Variants in MRTFB observed in about 807,000 individuals in gnomAD.
The protein encoded by MRTFB is myocardin-related transcription factor B.
Under a neutral mutation model 104.2 loss-of-function variants are expected in MRTFB, and 29 were observed. The observed-to-expected ratio is 0.28, with a 90% CI of 0.21 to 0.38. The LOEUF (loss-of-function observed/expected upper bound fraction) is 0.38, where lower values mean the gene tolerates loss of function less well. Ranked by LOEUF, MRTFB falls within the 10% of genes least tolerant of loss-of-function variation. The pLI is 1.00. For synonymous variants in MRTFB, 535 were observed against 519.5 expected, an observed-to-expected ratio of 1.03 and a Z score of -0.41; for missense variants, 1,270 against 1,341.6, an observed-to-expected ratio of 0.95 and a Z score of 0.83.
intron 3 of MRTFB, among the ~76,000 whole-genome samples, chr16:14,186,094 C>G (rs2039943707): frequency 6.6e-6 from 1 of 152,216 alleles, no homozygotes; most frequent in African/African-American, 2.4e-5. Flanking sequence ...GTTAACTCTC[C>G]CAGCCAACTA....
At chr16:14,193,207 T>G (rs1383974613) in intron 3 of MRTFB, among the ~76,000 whole-genome samples, 5 of 71,236 alleles carry the variant, frequency 7.0e-5, no homozygotes, top group African/African-American at 3.5e-4. Context: ...TGAGACCCTG[T>G]CTCAAAAAAA....
At chr16:14,027,095 C>A in the MRTFB span, among the ~76,000 whole-genome samples, 2 of 152,206 alleles carry the variant, frequency 1.3e-5, no homozygotes, top group African/African-American at 2.4e-5. Flanking sequence ...GTACAAAAAC[C>A]GGTACATGAA....
rs759020183 is a variant in MRTFB, at chr16:14,140,568, A to G, written c.-39A>G. 1.2e-6 allele frequency: 2 copies of G among 1,609,726 alleles called. No individual in the cohort carries two copies. Among genetic ancestry groups the G allele is most frequent in the Non-Finnish European group, 8.5e-7 (1 of 1,176,940 alleles). Reference sequence around the variant, plus strand: ...GTGTCTTCAATAGGCCGTGTTTAAGAGGCGTCTTACACTCCCTGTTGCCAG... The same window carrying G: ...GTGTCTTCAATAGGCCGTGTTTAAGGGGCGTCTTACACTCCCTGTTGCCAG... On this transcript the variant is annotated 5_prime_UTR_variant, in exon 3 of 17. Coordinates refer to ENST00000571589, the MANE Select transcript of MRTFB (RefSeq NM_001308142.2).
Position 14,100,691 on chromosome 16 carries a change from A to G in MRTFB, c.-64+21337A>G, listed in dbSNP as rs150566122. On this transcript the variant is annotated intron_variant, in intron 2 of 16. Coordinates refer to ENST00000571589, the MANE Select transcript of MRTFB (RefSeq NM_001308142.2). Reference sequence around the variant, plus strand: ...AAACATCTGCTAGAATTCACCAGTGAAGCTATTTGGATCTAATGTTTTCTT... The same window carrying G: ...AAACATCTGCTAGAATTCACCAGTGGAGCTATTTGGATCTAATGTTTTCTT... 3.6e-3 allele frequency among the ~76,000 whole-genome samples: 549 copies of G among 152,312 alleles called. 2 individuals carry two copies. The highest frequency in any genetic ancestry group is 0.012 in the African/African-American group (513 of 41,560).
chr16:14,029,661 C>T, the MRTFB span, among the ~76,000 whole-genome samples: 5 of 151,900 alleles, frequency 3.3e-5, no homozygotes, highest in Non-Finnish European at 5.9e-5. Context: ...TCACTGTGTA[C>T]GCACATGCAG....
At chr16:14,181,624 C>A (rs1265135220) in intron 3 of MRTFB, among the ~76,000 whole-genome samples, 1 of 152,138 alleles carries the variant, frequency 6.6e-6, no homozygotes, top group African/African-American at 2.4e-5. Context: ...GCATTTGTTA[C>A]TAATTATTTT....
chr16:14,228,376 A>C (rs1435758759), intron 8 of MRTFB, among the ~76,000 whole-genome samples: 1 of 152,214 alleles, frequency 6.6e-6, no homozygotes, highest in Non-Finnish European at 1.5e-5. Flanking sequence ...GGAGATCGAG[A>C]CCATCCTGGC....
intron 3 of MRTFB, among the ~76,000 whole-genome samples, chr16:14,184,063 C>T (rs2039859585): frequency 1.0e-5 from 1 of 95,606 alleles, no homozygotes; most frequent in Non-Finnish European, 1.9e-5. Context: ...AAAGCAACAT[C>T]CTGAAATTTA....
intron 9 of MRTFB, among the ~76,000 whole-genome samples, chr16:14,236,196 CAAAT>C (rs1419861999): frequency 6.6e-6 from 1 of 151,790 alleles, no homozygotes; most frequent in Non-Finnish European, 1.5e-5. Flanking sequence ...GCCTCAAAAG[CAAAT>C]AAATAAAATG....
intron 3 of MRTFB, among the ~76,000 whole-genome samples, chr16:14,165,089 C>T (rs2039186659): frequency 6.6e-6 from 1 of 151,740 alleles, no homozygotes; most frequent in African/African-American, 2.4e-5. Flanking sequence ...GAAACAGTTT[C>T]CGTGATGAAT....
intron 3 of MRTFB, among the ~76,000 whole-genome samples, chr16:14,184,783 T>C (rs934873503): frequency 6.6e-6 from 1 of 152,206 alleles, no homozygotes; most frequent in African/African-American, 2.4e-5. Context: ...AGCCTGGAGC[T>C]GGAGCATATT....
chr16:13,999,964 G>A, the MRTFB span, among the ~76,000 whole-genome samples: 2 of 152,090 alleles, frequency 1.3e-5, no homozygotes, highest in Non-Finnish European at 2.9e-5. Context: ...AAATGGTCTC[G>A]CCTCCCCCTT....
rs536565055 is a variant in MRTFB at position 14,206,043 on chromosome 16, A to G, written c.155-4200A>G. ...AGTTGTGCAAGGCTGAGTGACATTC[A>G]GTGGTCTAAGCCTTTTTTCCCCTCC... On this transcript the variant is annotated intron_variant, in intron 3 of 16. Coordinates refer to ENST00000571589, the MANE Select transcript of MRTFB (RefSeq NM_001308142.2). Among the ~76,000 whole-genome samples, 72 of 52,048 alleles carry G rather than the reference A, an allele frequency of 1.4e-3. 1 individual carries two copies. In the South Asian group the frequency reaches 0.062, roughly 45 times the overall value. The allele number at this position is 52,048 out of a possible 152,430, so 34.1% of individuals were successfully genotyped here. A position where few individuals can be genotyped will look rare whatever the true frequency, so the allele number is the denominator to read the frequency against.
the MRTFB span, among the ~76,000 whole-genome samples, chr16:14,043,857 A>AAG: frequency 6.6e-6 from 1 of 152,222 alleles, no homozygotes; most frequent in Non-Finnish European, 1.5e-5. Flanking sequence ...AATGAGACGT[A>AAG]ATCTTGCCTC....
intron 8 of MRTFB, among the ~76,000 whole-genome samples, chr16:14,230,519 A>G (rs578026486): frequency 5.9e-5 from 9 of 152,150 alleles, no homozygotes; most frequent in African/African-American, 2.2e-4. Context: ...GCAGCCAAAA[A>G]ACACATGAAA....
chr16:14,254,598 G>A (rs984117622), intron 15 of MRTFB, among the ~76,000 whole-genome samples: 5 of 152,230 alleles, frequency 3.3e-5, no homozygotes, highest in African/African-American at 1.2e-4. Context: ...TGGAATGGAC[G>A]CTTAGCAGCT....
the MRTFB span, among the ~76,000 whole-genome samples, chr16:14,058,641 T>C: frequency 3.3e-5 from 5 of 152,074 alleles, no homozygotes; most frequent in Non-Finnish European, 5.9e-5. Context: ...AGTATTCTTC[T>C]GTGTGGTCTT....
intron 1 of MRTFB, among the ~76,000 whole-genome samples, chr16:14,074,982 T>C (rs1441988334): frequency 6.6e-6 from 1 of 152,256 alleles, no homozygotes; most frequent in African/African-American, 2.4e-5. Context: ...TCAGATAATA[T>C]AACCAGACAG....
intron 8 of MRTFB, 125 bp from the exon 9 acceptor site, chr16:14,234,021 A>C: frequency 8.6e-7 from 1 of 1,167,900 alleles, no homozygotes; most frequent in Non-Finnish European, 1.2e-6. Flanking sequence ...AGACATAATC[A>C]TATATTTTTC....
Sources: gnomAD v4.1 joint callset for allele counts (sites outside exome capture counted in the v4.1 genomes callset) on GRCh38, gnomAD v4.1.1 for gene constraint, MANE v1.5 for transcripts, NCBI Gene and HGNC (gene_info 2026-07-23, HGNC 2026-07-21) for gene names.